TMEM94: variants seen among roughly 807,000 people sequenced by gnomAD.
TMEM94 encodes the protein transmembrane protein 94.
A neutral mutation model predicts 158.6 loss-of-function variants in TMEM94; 81 were observed. The ratio of observed to expected loss-of-function variants is 0.51; its 90% CI spans 0.43 to 0.61. The LOEUF (loss-of-function observed/expected upper bound fraction) is 0.61. TMEM94 is among the 20% of genes least tolerant of loss of function. TMEM94 has a pLI of 0.00. For synonymous variants in TMEM94, 751 were observed against 730.7 expected, an observed-to-expected ratio of 1.03 and a Z score of -0.45; for missense variants, 1,435 against 1,762.0, an observed-to-expected ratio of 0.81 and a Z score of 3.32.
chr17:75,484,866 G>A (rs748977007), intron 2 of TMEM94, among the ~76,000 whole-genome samples: 1 of 151,896 alleles, frequency 6.6e-6, no homozygotes, highest in African/African-American at 2.4e-5. Context: ...ATGAAACCTC[G>A]TCTCCACTAA....
chr17:75,495,186 C>A lies in TMEM94; in HGVS notation c.2729-98C>A. The A allele has an allele frequency of 1.0e-5, 14 of 1,402,868 alleles. No individual in the cohort carries two copies. Among genetic ancestry groups the A allele is most frequent in the Non-Finnish European group, 1.4e-5 (14 of 1,028,400 alleles). 86.9% of individuals were successfully genotyped at this position (1,402,868 alleles called of 1,614,324 possible). A position where few individuals can be genotyped will look rare whatever the true frequency, so the allele number is the denominator to read the frequency against. ...TGTCCCTGCGGGAAACAGTAGTCAGCAGGAAGGAGTGGACACAGGCAAAAA... is the reference window on the plus strand; with the variant it reads ...TGTCCCTGCGGGAAACAGTAGTCAGAAGGAAGGAGTGGACACAGGCAAAAA... On this transcript the variant is annotated intron_variant, in intron 20 of 31. Transcript: ENST00000314256. The surrounding 1 kb of genome is among the most constrained non-coding windows in gnomAD (Gnocchi z 5.6).
Position 75,489,951 on chromosome 17 carries a change from T to G in TMEM94, c.955-283T>G. 3.6e-6 allele frequency: 2 copies of G among 561,898 alleles called. No homozygotes were observed. The highest frequency in any genetic ancestry group is 2.1e-5 in the South Asian group (1 of 48,188). The allele number at this position is 561,898 out of a possible 1,614,324, so 34.8% of individuals were successfully genotyped here. ...AAAATTAGCTGGGCGTGGTGGCACGTGCCTGTGGTCCCAGCCATTCAGGTG... is the reference window on the plus strand; with the variant it reads ...AAAATTAGCTGGGCGTGGTGGCACGGGCCTGTGGTCCCAGCCATTCAGGTG... On this transcript the variant is annotated intron_variant, in intron 9 of 31. Transcript: ENST00000314256. This position sits in a 1 kb window ranked among gnomAD's most constrained non-coding sequence, Gnocchi z 5.0.
intron 17 of TMEM94, 47 bp downstream of exon 17, chr17:75,493,640 G>A (rs2052417681): frequency 6.2e-7 from 1 of 1,613,310 alleles, no homozygotes; most frequent in Non-Finnish European, 8.5e-7. Flanking sequence ...CGCGCTGCCG[G>A]GGCACCTGCC....
At chr17:75,461,351 C>T (rs920785981) in intron 1 of TMEM94, among the ~76,000 whole-genome samples, 1 of 151,908 alleles carries the variant, frequency 6.6e-6, no homozygotes, top group Non-Finnish European at 1.5e-5. Context: ...CCGCCTGCTT[C>T]GGCCTCCCAA....
At chr17:75,482,566 A>T (rs867357060) in intron 2 of TMEM94, among the ~76,000 whole-genome samples, 8 of 142,432 alleles carry the variant, frequency 5.6e-5, no homozygotes, top group Admixed American at 2.7e-4. Flanking sequence ...GTATGTATGT[A>T]TGTATAACCT....
chr17:75,496,942 T>C, intron 25 of TMEM94, 135 bp downstream of exon 25: 1 of 1,089,288 alleles, frequency 9.2e-7, no homozygotes, highest in Non-Finnish European at 1.4e-6. Context: ...GTGAAGCCCC[T>C]GGGCTTTTTG....
chr17:75,483,472 T>C (rs1598375567), intron 2 of TMEM94, among the ~76,000 whole-genome samples: 1 of 151,282 alleles, frequency 6.6e-6, no homozygotes, highest in Non-Finnish European at 1.5e-5. Context: ...TCTTTTTTTT[T>C]TTTTTTGAGA....
chr17:75,493,484 C>G lies in TMEM94; in HGVS notation c.2087-7C>G, dbSNP rs1351666124. 1.1e-5 allele frequency: 17 copies of G among 1,613,250 alleles called. No individual in the cohort carries two copies. The highest frequency in any genetic ancestry group is 2.7e-5 in the African/African-American group (2 of 74,926). ...GCGACACTCAGGGTTTGAACTCTCT[C>G]CCCCAGGCACAGAGCAGATGCTGTC... On this transcript the variant is annotated splice_polypyrimidine_tract_variant and splice_region_variant and intron_variant, in intron 16 of 31. Transcript: ENST00000314256.
In TMEM94 at chr17:75,492,278, A is replaced by C. The variant is rs1309184799; in HGVS notation, c.1597-196A>C. On this transcript the variant is annotated intron_variant, in intron 14 of 31. Transcript: ENST00000314256. This position sits in a 1 kb window ranked among gnomAD's most constrained non-coding sequence, Gnocchi z 4.4. The stretch of plus-strand genomic sequence containing the variant: ...ATGAGATATATTAATAGTCCATAGA[A>C]GCAGACAGGAGCCCAAGAAGGACAG... 1 of 1,426,844 alleles carries C rather than the reference A, an allele frequency of 7.0e-7. No homozygotes were observed. Among genetic ancestry groups the C allele is most frequent in the African/African-American group, 1.4e-5 (1 of 69,540 alleles). The allele number at this position is 1,426,844 out of a possible 1,614,324, so 88.4% of individuals were successfully genotyped here.
Position 75,498,177 on chromosome 17 carries a change from C to T in TMEM94, c.3492C>T (p.Thr1164=). ...GKNLQSIPKK[T]QHYFLLCFLL... The stretch of plus-strand genomic sequence containing the variant: ...AGTGACTGGCCTTGTTCCCGCAGAC[C>T]CAGCACTACTTCCTGCTCTGCTTCC... Residue 1164 remains threonine, a splice_region_variant and synonymous_variant, in exon 28 of 32, where the codon ACC becomes ACT. Coordinates refer to ENST00000314256, the MANE Select transcript of TMEM94 (RefSeq NM_014738.6). This position sits in a 1 kb window ranked among gnomAD's most constrained non-coding sequence, Gnocchi z 6.7. 1 of 1,613,870 alleles carries T rather than the reference C, an allele frequency of 6.2e-7. No homozygotes were observed. Among genetic ancestry groups the T allele is most frequent in the Non-Finnish European group, 8.5e-7 (1 of 1,180,014 alleles).
rs1417871826 is a variant in TMEM94 at position 75,493,507 on chromosome 17, G to C, written c.2103G>C (p.Leu701=). The change falls in exon 17 of 32, where the codon CTG becomes CTC. Residue 701 remains leucine, a synonymous_variant. Coordinates refer to ENST00000314256, the MANE Select transcript of TMEM94 (RefSeq NM_014738.6). ...KDTTTSTEQM[L]SHGTADVVLE... is the part of the protein sequence containing the mutation. The stretch of plus-strand genomic sequence containing the variant: ...CTCCCCCAGGCACAGAGCAGATGCT[G>C]TCCCATGGCACCGCTGATGTGGTCT... The C allele has an allele frequency of 6.2e-7, 1 of 1,614,014 alleles. No homozygotes were observed. The highest frequency in any genetic ancestry group is 8.5e-7 in the Non-Finnish European group (1 of 1,180,004).
chr17:75,464,909 G>A (rs2050250011), intron 1 of TMEM94, among the ~76,000 whole-genome samples: 1 of 151,782 alleles, frequency 6.6e-6, no homozygotes, highest in Non-Finnish European at 1.5e-5. Context: ...ATGTTGGTCA[G>A]GCTGGTCTTG....
intron 25 of TMEM94, 130 bp downstream of exon 25, chr17:75,496,937 GC>G: frequency 4.5e-6 from 5 of 1,107,124 alleles, no homozygotes; most frequent in Non-Finnish European, 6.7e-6. Context: ...CCTCTGTGAA[GC>G]CCCTGGGCTT....
intron 19 of TMEM94, 27 bp from the exon 20 acceptor site, chr17:75,494,869 A>G (rs780732933): frequency 2.5e-6 from 4 of 1,613,232 alleles, no homozygotes; most frequent in East Asian, 2.2e-5. Flanking sequence ...TTGGGCCCGT[A>G]TGTTCATGGC....
At chr17:75,475,666 G>C (rs1256611890) in intron 2 of TMEM94, among the ~76,000 whole-genome samples, 2 of 152,234 alleles carry the variant, frequency 1.3e-5, no homozygotes, top group Non-Finnish European at 2.9e-5. Context: ...GCTGAGGCAG[G>C]AGCCCCAGGT....
rs550978217 is a variant in TMEM94, at chr17:75,467,688, G to A, written c.-106-4112G>A. Among the ~76,000 whole-genome samples the A allele has an allele frequency of 3.2e-3, 489 of 150,768 alleles. 1 individual carries two copies. The highest frequency in any genetic ancestry group is 5.6e-3 in the Non-Finnish European group (379 of 67,628). On this transcript the variant is annotated intron_variant, in intron 1 of 31. Transcript: ENST00000314256. Reference sequence around the variant, plus strand: ...GCTGGGACTACAGGCGCCCGCCACCGCGCCCGGCTAATTTTTTGTATTTTT... The same window carrying A: ...GCTGGGACTACAGGCGCCCGCCACCACGCCCGGCTAATTTTTTGTATTTTT...
In TMEM94 at chr17:75,470,954, G is replaced by A. The variant is rs2050477899; in HGVS notation, c.-106-846G>A. On this transcript the variant is annotated intron_variant, in intron 1 of 31. Coordinates refer to ENST00000314256, the MANE Select transcript of TMEM94 (RefSeq NM_014738.6). The stretch of plus-strand genomic sequence containing the variant: ...TAATAATAATAATAATAAAGAAAAT[G>A]AAGGTCAGGCGCGGTGGCTCACGCC... Among the ~76,000 whole-genome samples the A allele has an allele frequency of 4.6e-5, 7 of 150,856 alleles. No homozygotes were observed. In the South Asian group the frequency reaches 1.3e-3, roughly 27 times the overall value.
rs2051859757 is a variant in TMEM94 at position 75,488,767 on chromosome 17, G to A, written c.621G>A (p.Glu207=). 2 of 1,613,784 alleles carry A rather than the reference G, an allele frequency of 1.2e-6. No homozygotes were observed. The change falls in exon 7 of 32, where the codon GAG becomes GAA. Residue 207 remains glutamate, a synonymous_variant. Coordinates refer to ENST00000314256, the MANE Select transcript of TMEM94 (RefSeq NM_014738.6). ...CCACTTGCTGCCGGCAGGATGACGA[G>A]CACATCGTCCTGGAGCCGGGAGACC... ...FASLRGIKDD[E]HIVLEPGDLF... is the part of the protein sequence containing the mutation.
At position 75,492,828 on chromosome 17, in the gene TMEM94, G is replaced by C. The variant is rs373008848; in HGVS notation, c.1912+39G>C. The C allele has an allele frequency of 6.3e-7, 1 of 1,585,072 alleles. No homozygotes were observed. Among genetic ancestry groups the C allele is most frequent in the African/African-American group, 1.3e-5 (1 of 74,534 alleles). On this transcript the variant is annotated intron_variant, in intron 15 of 31. Transcript: ENST00000314256. This position sits in a 1 kb window ranked among gnomAD's most constrained non-coding sequence, Gnocchi z 4.4. Reference sequence around the variant, plus strand: ...TGGCAGGGGATGGCTGGCTGGACCCGCCTCCTAGAAGAGGCCCAGTACCAA... The same window carrying C: ...TGGCAGGGGATGGCTGGCTGGACCCCCCTCCTAGAAGAGGCCCAGTACCAA...
Sources: allele counts gnomAD v4.1 joint callset (sites outside exome capture counted in the v4.1 genomes callset), GRCh38; gene constraint gnomAD v4.1.1; non-coding constraint Gnocchi (gnomAD v3.1); transcripts MANE v1.5; gene names NCBI Gene and HGNC (gene_info 2026-07-23, HGNC 2026-07-21).